The following MGAT5B variants were observed in gnomAD, a reference collection of about 807,000 sequenced individuals.
The protein encoded by MGAT5B is N-acetylglucosaminyl-transferase Vb.
Under a neutral mutation model 95.1 loss-of-function variants are expected in MGAT5B, and 54 were observed. The ratio of observed to expected loss-of-function variants is 0.57; its 90% confidence interval spans 0.46 to 0.71. MGAT5B has a LOEUF of 0.71. Ranked by LOEUF, MGAT5B falls within the 30% of genes least tolerant of loss-of-function variation. The pLI, the probability that MGAT5B is intolerant of heterozygous loss-of-function variation, is 0.00. For synonymous variants in MGAT5B, 464 were observed against 451.0 expected (o/e 1.03, Z -0.36); for missense variants, 935 against 1,088.6 (o/e 0.86, Z 1.99).
Position 76,938,672 on chromosome 17 carries a change from G to C in MGAT5B, c.1584+529G>C, listed in dbSNP as rs1266026673. ...CTGGAGAGTCTCCAGCCAGCTTCTA[G>C]GCACCCCCTCACCCTCTTTTTTATG... On this transcript the variant is annotated intron_variant, in intron 13 of 17. Coordinates refer to ENST00000569840, the MANE Select transcript of MGAT5B (RefSeq NM_001199172.2). This position sits in a 1 kb window ranked among gnomAD's most constrained non-coding sequence, Gnocchi z 4.3. Among the ~76,000 whole-genome samples, 2 of 152,116 alleles carry C rather than the reference G, an allele frequency of 1.3e-5. No individual in the cohort carries two copies. Among genetic ancestry groups the C allele is most frequent in the East Asian group, 3.9e-4 (2 of 5,192 alleles).
intron 3 of MGAT5B, among the ~76,000 whole-genome samples, chr17:76,898,220 C>T (rs1197906572): frequency 6.6e-6 from 1 of 152,124 alleles, no homozygotes; most frequent in South Asian, 2.1e-4. Context: ...GTTCCGTCAG[C>T]GGAAGTCATT....
rs1968962048 is a variant in MGAT5B at position 76,916,997 on chromosome 17, G to T, written c.1026-7969G>T. 6.6e-6 allele frequency among the ~76,000 whole-genome samples: 1 copy of T among 152,116 alleles called. No individual in the cohort carries two copies. The highest frequency in any genetic ancestry group is 1.5e-5 in the Non-Finnish European group (1 of 68,022). On this transcript the variant is annotated intron_variant, in intron 8 of 17. Transcript: ENST00000569840. This position sits in a 1 kb window ranked among gnomAD's most constrained non-coding sequence, Gnocchi z 5.3. ...GGTGAAGCCGGCAGAAGCACAGGGT[G>T]GTACGAATAACCCCCTAGCACTCTT...
At chr17:76,946,086 G>A (rs143230685) in intron 15 of MGAT5B, among the ~76,000 whole-genome samples, 11 of 151,604 alleles carry the variant, frequency 7.3e-5, no homozygotes, top group Non-Finnish European at 1.0e-4. Flanking sequence ...GGGACACAGC[G>A]CTGAGCTTTA....
chr17:76,890,279 C>G (rs1441348652), intron 3 of MGAT5B, among the ~76,000 whole-genome samples: 1 of 152,246 alleles, frequency 6.6e-6, no homozygotes. Context: ...GTGGTCCATT[C>G]TGCTGTTGGG....
At chr17:76,928,969 G>A (rs1401301341) in intron 10 of MGAT5B, among the ~76,000 whole-genome samples, 1 of 151,958 alleles carries the variant, frequency 6.6e-6, no homozygotes, top group South Asian at 2.1e-4. Context: ...GGGTTCAAGC[G>A]ATTCTTGTGC....
intron 16 of MGAT5B, 115 bp downstream of exon 16, chr17:76,946,565 CCCT>C (rs1402974462): frequency 2.3e-6 from 2 of 864,118 alleles, no homozygotes; most frequent in African/African-American, 3.5e-5. Context: ...ACTCCCTGCT[CCCT>C]CCTCCAGCCT....
chr17:76,921,790 G>A (rs1969133419), intron 8 of MGAT5B, among the ~76,000 whole-genome samples: 1 of 152,198 alleles, frequency 6.6e-6, no homozygotes, highest in African/African-American at 2.4e-5. Flanking sequence ...ATTGTATAAA[G>A]ACTCTGATCC....
Position 76,930,943 on chromosome 17 carries a change from G to C in MGAT5B, c.1292-1702G>C, listed in dbSNP as rs1011312935. 2.0e-5 allele frequency among the ~76,000 whole-genome samples: 3 copies of C among 152,146 alleles called. No individual in the cohort carries two copies. Among genetic ancestry groups the C allele is most frequent in the Non-Finnish European group, 2.9e-5 (2 of 68,034 alleles). The stretch of plus-strand genomic sequence containing the variant: ...GCAGGCCGAGGGGACAGCAGCAGGG[G>C]CAACGCTTGGAGGTGGGAATGGGAG... On this transcript the variant is annotated intron_variant, in intron 10 of 17. Transcript: ENST00000569840. This position sits in a 1 kb window ranked among gnomAD's most constrained non-coding sequence, Gnocchi z 4.1.
chr17:76,938,156 C>A lies in MGAT5B; in HGVS notation c.1584+13C>A, dbSNP rs1246725372. 2 of 1,612,556 alleles carry A rather than the reference C, an allele frequency of 1.2e-6. No homozygotes were observed. The highest frequency in any genetic ancestry group is 1.7e-6 in the Non-Finnish European group (2 of 1,178,980). ...GCGCAAGGCCAAAGTGAGCTCCCAT[C>A]CCCCGCACCATTCTCACACTTGCCG... On this transcript the variant is annotated intron_variant, in intron 13 of 17. Coordinates refer to ENST00000569840, the MANE Select transcript of MGAT5B (RefSeq NM_001199172.2). The surrounding 1 kb of genome is among the most constrained non-coding windows in gnomAD (Gnocchi z 4.3).
intron 3 of MGAT5B, among the ~76,000 whole-genome samples, chr17:76,882,913 CTATG>C (rs1453338084): frequency 6.6e-6 from 1 of 151,870 alleles, no homozygotes; most frequent in Non-Finnish European, 1.5e-5. Flanking sequence ...CAGGGTTTTA[CTATG>C]TTGGCCAGGC....
chr17:76,900,058 C>T (rs1013081560), intron 3 of MGAT5B, among the ~76,000 whole-genome samples: 2 of 152,174 alleles, frequency 1.3e-5, no homozygotes, highest in African/African-American at 4.8e-5. Context: ...ATTCAGTCCT[C>T]ACCATGGTAG....
chr17:76,874,500 A>G (rs2145115859), intron 2 of MGAT5B, among the ~76,000 whole-genome samples: 1 of 151,836 alleles, frequency 6.6e-6, no homozygotes, highest in African/African-American at 2.4e-5. Flanking sequence ...TGGGGTGTAG[A>G]CAGAGATTCA....
intron 10 of MGAT5B, among the ~76,000 whole-genome samples, chr17:76,931,352 C>G (rs150330841): frequency 0.011 from 1,693 of 152,340 alleles, 34 homozygotes; most frequent in African/African-American, 0.039. Context: ...CTGCCTTGGC[C>G]TACCAAAGTG....
At chr17:76,932,884 C>T (rs1035316215) in intron 11 of MGAT5B, 109 bp downstream of exon 11, 4 of 1,456,964 alleles carry the variant, frequency 2.7e-6, no homozygotes, top group Non-Finnish European at 3.7e-6. Flanking sequence ...CCGCCCCAGC[C>T]CTGCATGCTG....
At chr17:76,874,219 G>C (rs996842959) in intron 2 of MGAT5B, among the ~76,000 whole-genome samples, 1 of 152,140 alleles carries the variant, frequency 6.6e-6, no homozygotes, top group African/African-American at 2.4e-5. Context: ...CAGGCTCGTT[G>C]CGAGGCTGTG....
intron 3 of MGAT5B, among the ~76,000 whole-genome samples, chr17:76,896,729 T>C (rs1045687073): frequency 6.6e-6 from 1 of 152,198 alleles, no homozygotes; most frequent in Non-Finnish European, 1.5e-5. Context: ...AGGGTTTCAC[T>C]CTTTCCAATA....
chr17:76,944,669 C>T (rs757461842), intron 15 of MGAT5B, among the ~76,000 whole-genome samples: 2 of 152,164 alleles, frequency 1.3e-5, no homozygotes, highest in Non-Finnish European at 2.9e-5. Context: ...AGAATACCCA[C>T]GCACAGTGCA....
intron 3 of MGAT5B, among the ~76,000 whole-genome samples, chr17:76,898,338 T>C (rs568863099): frequency 3.3e-5 from 5 of 151,190 alleles, no homozygotes; most frequent in Admixed American, 3.3e-4. Flanking sequence ...TTTTATTTTT[T>C]TTTTTTTTTG....
At chr17:76,908,394 G>A (rs1428816493) in intron 8 of MGAT5B, among the ~76,000 whole-genome samples, 2 of 150,948 alleles carry the variant, frequency 1.3e-5, no homozygotes, top group African/African-American at 4.9e-5. Context: ...AGCCTCCTGA[G>A]TAGCTGGGAT....
Sources: allele counts gnomAD v4.1 joint callset (sites outside exome capture counted in the v4.1 genomes callset), GRCh38; gene constraint gnomAD v4.1.1; non-coding constraint Gnocchi (gnomAD v3.1); transcripts MANE v1.5; gene names NCBI Gene and HGNC (gene_info 2026-07-23, HGNC 2026-07-21).